Variants in GRIP1 observed in about 807,000 individuals in gnomAD.
The protein encoded by GRIP1 is glutamate receptor interacting protein 1.
GRIP1 carries 45 observed loss-of-function variants against 129.9 expected under a neutral mutation model. That is an observed-to-expected ratio of 0.35 (90% CI 0.27 to 0.44). The LOEUF (loss-of-function observed/expected upper bound fraction) is 0.44, where lower values mean the gene tolerates loss of function less well. GRIP1 is among the 20% of genes least tolerant of loss of function. The pLI is 1.00. For synonymous variants in GRIP1, 530 were observed against 520.8 expected (o/e 1.02, Z -0.24); for missense variants, 1,196 against 1,396.8 (o/e 0.86, Z 2.29).
chr12:66,716,358 A>G (rs1024681869), intron 1 of GRIP1, among the ~76,000 whole-genome samples: 6 of 152,000 alleles, frequency 3.9e-5, no homozygotes, highest in South Asian at 2.1e-4. Context: ...CTGGGGACAG[A>G]CAAATGTCCA....
chr12:66,752,528 TCTCA>T (rs1205009724), intron 1 of GRIP1, among the ~76,000 whole-genome samples: 4 of 152,308 alleles, frequency 2.6e-5, no homozygotes, highest in African/African-American at 9.6e-5. Flanking sequence ...AAGGACTTGT[TCTCA>T]CTATTATATC....
chr12:67,043,056 T>C (rs2043202665), intron 1 of GRIP1, among the ~76,000 whole-genome samples: 1 of 152,090 alleles, frequency 6.6e-6, no homozygotes, highest in Admixed American at 6.6e-5. Flanking sequence ...TGTGAGTAGA[T>C]AAGGGCTGGC....
At chr12:66,926,151 TC>T (rs1273768375) in intron 1 of GRIP1, among the ~76,000 whole-genome samples, 1 of 139,638 alleles carries the variant, frequency 7.2e-6, no homozygotes, top group Non-Finnish European at 1.6e-5. Context: ...GTTAGCAAAG[TC>T]ATTACCCCAC....
chr12:66,457,099 C>T (rs938452264), intron 9 of GRIP1, among the ~76,000 whole-genome samples: 16 of 151,728 alleles, frequency 1.1e-4, no homozygotes, highest in Non-Finnish European at 1.5e-4. Flanking sequence ...TTCAAATTGC[C>T]GTCCCTTTTA....
chr12:67,061,681 C>T lies in GRIP1; in HGVS notation c.58+7369G>A, dbSNP rs117626083. On this transcript the variant is annotated intron_variant, in intron 1 of 1. Coordinates refer to the GRIP1 transcript ENST00000643019. ...AAATTAGTTTTAGGAGATAAATGTA[C>T]AGAATAATTATTTTTCCTTTAAGAA... Among the ~76,000 whole-genome samples the T allele has an allele frequency of 5.1e-3, 781 of 152,110 alleles. 6 individuals are homozygous for T. The highest frequency in any genetic ancestry group is 0.017 in the Middle Eastern group (5 of 294).
Position 66,978,926 on chromosome 12 carries a change from C to T in GRIP1, c.58+90124G>A, listed in dbSNP as rs185993563. Among the ~76,000 whole-genome samples the T allele has an allele frequency of 1.6e-3, 248 of 151,960 alleles. 1 individual carries two copies. Among genetic ancestry groups the T allele is most frequent in the Admixed American group, 4.1e-3 (62 of 15,254 alleles). ...TTTCAGGATCCACAGAGACAAATGG[C>T]AAAGTGGTAGACCGTGACACAGCCA... On this transcript the variant is annotated intron_variant, in intron 1 of 1. Coordinates refer to the GRIP1 transcript ENST00000643019.
intron 1 of GRIP1, among the ~76,000 whole-genome samples, chr12:66,901,334 A>G (rs1330418038): frequency 6.6e-6 from 1 of 152,264 alleles, no homozygotes; most frequent in Non-Finnish European, 1.5e-5. Flanking sequence ...AAAAAGTGAA[A>G]GCAGAAGTAG....
chr12:66,819,899 G>A (rs1378306334), intron 1 of GRIP1, among the ~76,000 whole-genome samples: 1 of 152,176 alleles, frequency 6.6e-6, no homozygotes, highest in Non-Finnish European at 1.5e-5. Flanking sequence ...ATAAATTTCT[G>A]TGGGAACTGA....
intron 9 of GRIP1, 50 bp downstream of exon 9, chr12:66,462,874 C>G (rs986636498): frequency 1.2e-5 from 17 of 1,425,358 alleles, no homozygotes; most frequent in Non-Finnish European, 1.3e-5. Flanking sequence ...CTAGAGGGAG[C>G]AACACTGTGA....
In GRIP1 at chr12:66,996,685, C is replaced by T. The variant is rs527486449; in HGVS notation, c.58+72365G>A. Among the ~76,000 whole-genome samples, 3 of 152,280 alleles carry T rather than the reference C, an allele frequency of 2.0e-5. No homozygotes were observed. In the East Asian group the frequency reaches 5.8e-4, roughly 29 times the overall value. On this transcript the variant is annotated intron_variant, in intron 1 of 1. Transcript: ENST00000643019. ...CCAGGAAGATAGAGATTGACCCATC[C>T]TGGAAGACAGAGTGATGTGAGATTG... is the stretch of plus-strand genomic sequence containing the variant.
At chr12:66,376,962 A>G in intron 22 of GRIP1, 55 bp downstream of exon 22, 1 of 1,197,930 alleles carries the variant, frequency 8.3e-7, no homozygotes, top group South Asian at 1.2e-5. Context: ...CCAGAAGGCA[A>G]GGGGGTAGGG....
chr12:66,598,504 ATAAT>A (rs1471578125), intron 1 of GRIP1, among the ~76,000 whole-genome samples: 1 of 152,212 alleles, frequency 6.6e-6, no homozygotes, highest in Non-Finnish European at 1.5e-5. Context: ...CATTTTGAGT[ATAAT>A]TAAAATCCAC....
At chr12:66,449,410 A>G (rs1289727937) in intron 11 of GRIP1, among the ~76,000 whole-genome samples, 1 of 149,892 alleles carries the variant, frequency 6.7e-6, no homozygotes, top group Non-Finnish European at 1.5e-5. Context: ...GGGGCAAGGG[A>G]GGGTGAAGTA....
At chr12:66,568,967 C>A in intron 2 of GRIP1, 1 of 514,704 alleles carries the variant, frequency 1.9e-6, no homozygotes, top group Admixed American at 2.0e-5. Flanking sequence ...GGTTGATACA[C>A]TGCATCTACA....
chr12:66,371,593 C>T, intron 23 of GRIP1, 101 bp downstream of exon 23: 2 of 804,602 alleles, frequency 2.5e-6, no homozygotes, highest in Non-Finnish European at 4.5e-6. Context: ...CTTGGCTGAG[C>T]CCATAGGAGG....
At chr12:66,882,538 C>G (rs2040497506) in intron 1 of GRIP1, among the ~76,000 whole-genome samples, 1 of 152,266 alleles carries the variant, frequency 6.6e-6, no homozygotes, top group Admixed American at 6.5e-5. Flanking sequence ...GTTCCCTTAT[C>G]TGTAAAATGA....
intron 1 of GRIP1, among the ~76,000 whole-genome samples, chr12:66,796,245 G>A (rs373074007): frequency 5.4e-4 from 82 of 152,004 alleles, no homozygotes; most frequent in African/African-American, 2.0e-3. Context: ...ATTGCAAAAA[G>A]ACTTTATGAT....
At chr12:66,800,246 T>C (rs1592857728) in intron 1 of GRIP1, among the ~76,000 whole-genome samples, 1 of 152,180 alleles carries the variant, frequency 6.6e-6, no homozygotes, top group East Asian at 1.9e-4. Context: ...GAAAAGTTAA[T>C]TGGTCACTAA....
At chr12:66,749,712 T>A (rs1182031301) in intron 1 of GRIP1, among the ~76,000 whole-genome samples, 1 of 152,126 alleles carries the variant, frequency 6.6e-6, no homozygotes, top group South Asian at 2.1e-4. Context: ...ATCTTCCGGA[T>A]GACCCCCTCC....
Sources: gnomAD v4.1 joint callset for allele counts (sites outside exome capture counted in the v4.1 genomes callset) on GRCh38, gnomAD v4.1.1 for gene constraint, MANE v1.5 for transcripts, NCBI Gene and HGNC (gene_info 2026-07-23, HGNC 2026-07-21) for gene names.